Variants in RIT2 observed in about 807,000 individuals in gnomAD.
RIT2 encodes the protein Ras like without CAAX 2.
A neutral mutation model predicts 23.7 loss-of-function variants in RIT2; 24 were observed. That is an observed-to-expected ratio of 1.01 (90% CI 0.73 to 1.43). The LOEUF (loss-of-function observed/expected upper bound fraction) is 1.43, where lower values mean the gene tolerates loss of function less well. Ranked by LOEUF, RIT2 falls within the 40% of genes most tolerant of loss-of-function variation. RIT2 has a pLI of 0.00. For missense variants in RIT2, 236 were observed against 266.9 expected (o/e 0.88, Z 0.81); for synonymous variants, 107 against 91.1 (o/e 1.17, Z -0.99).
intron 2 of RIT2, among the ~76,000 whole-genome samples, chr18:43,019,358 C>T (rs1176401466): frequency 6.6e-6 from 1 of 151,798 alleles, no homozygotes; most frequent in African/African-American, 2.4e-5. Context: ...GGCATTTATT[C>T]CAGAGATTCA....
intron 4 of RIT2, among the ~76,000 whole-genome samples, chr18:42,841,075 T>C (rs991813471): frequency 5.3e-5 from 8 of 152,132 alleles, no homozygotes; most frequent in South Asian, 4.2e-4. Context: ...GGATACTAAG[T>C]AGAAGGAACA....
At chr18:42,818,058 A>C (rs1906046934) in intron 4 of RIT2, among the ~76,000 whole-genome samples, 1 of 152,038 alleles carries the variant, frequency 6.6e-6, no homozygotes, top group Admixed American at 6.6e-5. Context: ...TGATTTTATA[A>C]GATGAATTTT....
intron 2 of RIT2, among the ~76,000 whole-genome samples, chr18:42,988,998 T>C (rs1010397372): frequency 6.6e-6 from 1 of 152,154 alleles, no homozygotes. Context: ...TTTTTTCTTG[T>C]TCCCCAAGCT....
intron 1 of RIT2, among the ~76,000 whole-genome samples, chr18:43,036,349 G>T (rs1369059139): frequency 1.3e-5 from 2 of 152,094 alleles, no homozygotes; most frequent in Non-Finnish European, 2.9e-5. Context: ...AGAACAGCCT[G>T]GCCAACATGG....
At chr18:42,755,994 G>A (rs943134113) in intron 4 of RIT2, among the ~76,000 whole-genome samples, 4 of 152,080 alleles carry the variant, frequency 2.6e-5, no homozygotes, top group African/African-American at 9.7e-5. Flanking sequence ...TGGGGGAATA[G>A]GAAGGAGTCT....
At chr18:42,926,911 C>G (rs903674187) in intron 3 of RIT2, among the ~76,000 whole-genome samples, 4 of 151,916 alleles carry the variant, frequency 2.6e-5, no homozygotes, top group Non-Finnish European at 4.4e-5. Flanking sequence ...CTGTTACTTA[C>G]TTAGAGCATG....
intron 3 of RIT2, among the ~76,000 whole-genome samples, chr18:42,924,882 T>G (rs554212625): frequency 1.3e-5 from 2 of 152,174 alleles, no homozygotes; most frequent in Admixed American, 6.5e-5. Flanking sequence ...TTTGGAAAAC[T>G]AGGGTGGTTG....
chr18:43,115,459 A>G lies in RIT2; in HGVS notation c.61T>C (p.Tyr21His). 6.2e-7 allele frequency: 1 copy of G among 1,613,308 alleles called. No individual in the cohort carries two copies. The highest frequency in any genetic ancestry group is 8.5e-7 in the Non-Finnish European group (1 of 1,179,726). Reference sequence around the variant, plus strand: ...CCTGCTCCCAGCATTACCACCTTGTACTCTCTGGACCCGCCTGATGCGCTG... The same window carrying G: ...CCTGCTCCCAGCATTACCACCTTGTGCTCTCTGGACCCGCCTGATGCGCTG... ...PGSASGGSRE[Y>H]KVVMLGAGGV... The change falls in exon 1 of 5, where the codon TAC (tyrosine) becomes CAC (histidine). Residue 21 changes from tyrosine to histidine, a missense_variant. Transcript: ENST00000326695.
chr18:42,779,633 A>C (rs1266143511), intron 4 of RIT2, among the ~76,000 whole-genome samples: 2 of 152,232 alleles, frequency 1.3e-5, no homozygotes, highest in African/African-American at 4.8e-5. Flanking sequence ...ATATGTGATC[A>C]CAATATAAAT....
At chr18:42,967,045 C>G (rs1239192826) in intron 3 of RIT2, among the ~76,000 whole-genome samples, 3 of 151,880 alleles carry the variant, frequency 2.0e-5, no homozygotes, top group Non-Finnish European at 4.4e-5. Flanking sequence ...TCAATATATG[C>G]ACCATGTAAA....
intron 1 of RIT2, among the ~76,000 whole-genome samples, chr18:43,087,136 A>C (rs1221454331): frequency 5.3e-5 from 8 of 151,984 alleles, no homozygotes; most frequent in Admixed American, 1.3e-4. Flanking sequence ...AGTCCCAGCT[A>C]CATTCTGAGG....
At chr18:43,078,735 A>G (rs1485354838) in intron 1 of RIT2, among the ~76,000 whole-genome samples, 2 of 152,116 alleles carry the variant, frequency 1.3e-5, no homozygotes, top group East Asian at 3.9e-4. Flanking sequence ...TCAGATATGG[A>G]GCTTTGGACC....
rs901675011 is a variant in RIT2, at chr18:42,966,912, C to G, written c.234+7162G>C. ...CCTCTGCTTCATGATACAACTGTAC[C>G]GTAGTTATGGCAAGCAGTATGGGCT... On this transcript the variant is annotated intron_variant, in intron 3 of 4. Coordinates refer to ENST00000326695, the MANE Select transcript of RIT2 (RefSeq NM_002930.4). 3.3e-5 allele frequency among the ~76,000 whole-genome samples: 5 copies of G among 151,836 alleles called. No individual in the cohort carries two copies. The South Asian group carries it at 1.0e-3, about 32-fold the overall frequency.
intron 2 of RIT2, among the ~76,000 whole-genome samples, chr18:42,977,495 AC>A (rs758124096): frequency 2.0e-5 from 3 of 151,956 alleles, no homozygotes; most frequent in Non-Finnish European, 2.9e-5. Flanking sequence ...ATTTTCAGAA[AC>A]CGTTGCTGTA....
At chr18:43,105,079 C>T (rs1239107929) in intron 1 of RIT2, among the ~76,000 whole-genome samples, 2 of 150,426 alleles carry the variant, frequency 1.3e-5, no homozygotes, top group Admixed American at 1.3e-4. Context: ...TCCTCCAGTC[C>T]TTTCTCTAAC....
At chr18:42,849,754 A>G (rs1907000713) in intron 4 of RIT2, among the ~76,000 whole-genome samples, 1 of 152,170 alleles carries the variant, frequency 6.6e-6, no homozygotes, top group Non-Finnish European at 1.5e-5. Context: ...ACAGAACAAT[A>G]ATGTATGAAT....
At chr18:43,090,791 A>C (rs1407549313) in intron 1 of RIT2, among the ~76,000 whole-genome samples, 1 of 152,048 alleles carries the variant, frequency 6.6e-6, no homozygotes, top group African/African-American at 2.4e-5. Flanking sequence ...CAAATACTGC[A>C]TGTTTTCGCT....
At chr18:42,873,800 A>C (rs151246593) in intron 4 of RIT2, among the ~76,000 whole-genome samples, 4 of 152,260 alleles carry the variant, frequency 2.6e-5, no homozygotes, top group African/African-American at 9.6e-5. Context: ...GGAGGGGACA[A>C]ATTTTCTAAA....
chr18:42,873,554 GTTTA>G (rs990180711), intron 4 of RIT2, among the ~76,000 whole-genome samples: 1 of 152,008 alleles, frequency 6.6e-6, no homozygotes, highest in Non-Finnish European at 1.5e-5. Flanking sequence ...TGATTTTAGA[GTTTA>G]TTTAACAGTT....
Sources: gnomAD v4.1 joint callset for allele counts (sites outside exome capture counted in the v4.1 genomes callset) on GRCh38, gnomAD v4.1.1 for gene constraint, MANE v1.5 for transcripts, NCBI Gene and HGNC (gene_info 2026-07-23, HGNC 2026-07-21) for gene names.